The following ACOT7 variants were observed in gnomAD, a reference collection of about 807,000 sequenced individuals.
The protein encoded by ACOT7 is acyl-CoA thioesterase 7, also known as cytosolic acyl coenzyme A thioester hydrolase.
Under a neutral mutation model 40.2 loss-of-function variants are expected in ACOT7, and 12 were observed. The ratio of observed to expected loss-of-function variants is 0.30; its 90% CI spans 0.19 to 0.48. The LOEUF (loss-of-function observed/expected upper bound fraction) is 0.48, where lower values mean the gene tolerates loss of function less well. Ranked by LOEUF, ACOT7 falls within the 20% of genes least tolerant of loss-of-function variation. The probability of loss-of-function intolerance (pLI) is 0.99; values close to 1 mark genes in which losing one functional copy is unlikely to be tolerated. For synonymous variants in ACOT7, 228 were observed against 219.5 expected (o/e 1.04, Z -0.34); for missense variants, 395 against 530.8 (o/e 0.74, Z 2.51).
chr1:6,377,816 A>T (rs1642261872), intron 1 of ACOT7, among the ~76,000 whole-genome samples: 11 of 152,172 alleles, frequency 7.2e-5, no homozygotes, highest in Admixed American at 7.2e-4. Flanking sequence ...CACGCCTGTA[A>T]TCCCAGCACT....
At chr1:6,295,129 C>G in intron 6 of ACOT7, 149 bp from the exon 7 acceptor site, 6 of 461,546 alleles carry the variant, frequency 1.3e-5, no homozygotes, top group Non-Finnish European at 1.6e-5. Flanking sequence ...CTCGGCCGCA[C>G]GTGCTGTGGC....
chr1:6,336,182 A>G (rs1406745801), intron 3 of ACOT7, among the ~76,000 whole-genome samples: 1 of 151,972 alleles, frequency 6.6e-6, no homozygotes, highest in Non-Finnish European at 1.5e-5. Flanking sequence ...AAATACAAAA[A>G]AATTAGCCAG....
rs909232108 is a variant in ACOT7 at position 6,282,628 on chromosome 1, G to A, written c.830-1342C>T. 4 of 979,146 alleles carry A rather than the reference G, an allele frequency of 4.1e-6. No individual in the cohort carries two copies. The highest frequency in any genetic ancestry group is 5.7e-6 in the Non-Finnish European group (4 of 697,486). The allele number at this position is 979,146 out of a possible 1,614,324, so 60.7% of individuals were successfully genotyped here. A position where few individuals can be genotyped will look rare whatever the true frequency, so the allele number is the denominator to read the frequency against. On this transcript the variant is annotated intron_variant, in intron 7 of 8. Coordinates refer to ENST00000361521, the MANE Select transcript of ACOT7 (RefSeq NM_007274.4). The surrounding 1 kb of genome is among the most constrained non-coding windows in gnomAD (Gnocchi z 4.5). ...AGAGTGAGAAAGCGGCCAGGTGGTG[G>A]CTGTTGGAGGGCGGTTAGCAGGCCA...
At chr1:6,335,589 A>G (rs1423143408) in intron 3 of ACOT7, among the ~76,000 whole-genome samples, 1 of 152,230 alleles carries the variant, frequency 6.6e-6, no homozygotes, top group Non-Finnish European at 1.5e-5. Context: ...GGGAGACAGG[A>G]GCAGCCCCAG....
Position 6,282,631 on chromosome 1 carries a change from G to A in ACOT7, c.830-1345C>T. The A allele has an allele frequency of 9.6e-7, 1 of 1,045,554 alleles. No individual in the cohort carries two copies. The highest frequency in any genetic ancestry group is 1.3e-6 in the Non-Finnish European group (1 of 757,312). The allele number at this position is 1,045,554 out of a possible 1,614,324, so 64.8% of individuals were successfully genotyped here. A position where few individuals can be genotyped will look rare whatever the true frequency, so the allele number is the denominator to read the frequency against. Reference sequence around the variant, plus strand: ...GTGAGAAAGCGGCCAGGTGGTGGCTGTTGGAGGGCGGTTAGCAGGCCAGAG... The same window carrying A: ...GTGAGAAAGCGGCCAGGTGGTGGCTATTGGAGGGCGGTTAGCAGGCCAGAG... On this transcript the variant is annotated intron_variant, in intron 7 of 8. Coordinates refer to ENST00000361521, the MANE Select transcript of ACOT7 (RefSeq NM_007274.4). The surrounding 1 kb of genome is among the most constrained non-coding windows in gnomAD (Gnocchi z 4.5).
At chr1:6,391,481 G>A (rs12401310) in intron 1 of ACOT7, among the ~76,000 whole-genome samples, 11,879 of 152,220 alleles carry the variant, frequency 0.078, 517 homozygotes, top group Non-Finnish European at 0.091. Context: ...ACTCCAGCCC[G>A]GGTGACAGAG....
At chr1:6,285,867 G>C (rs562170286) in intron 7 of ACOT7, among the ~76,000 whole-genome samples, 1 of 152,334 alleles carries the variant, frequency 6.6e-6, no homozygotes, top group East Asian at 1.9e-4. Context: ...GGGCAGGAAG[G>C]GGGGTCCGCA....
At chr1:6,385,914 T>C (rs1642433222) in intron 1 of ACOT7, 1 of 1,145,252 alleles carries the variant, frequency 8.7e-7, no homozygotes, top group East Asian at 2.8e-5. Context: ...AATCCATGAC[T>C]CGGCCTGAAC....
intron 7 of ACOT7, among the ~76,000 whole-genome samples, chr1:6,287,550 T>C (rs568621087): frequency 3.9e-5 from 6 of 152,334 alleles, no homozygotes; most frequent in Non-Finnish European, 7.4e-5. Flanking sequence ...TCGGTGCCTG[T>C]AGTGGGCTGA....
intron 6 of ACOT7, among the ~76,000 whole-genome samples, chr1:6,312,582 CT>C (rs1282253109): frequency 2.6e-5 from 4 of 152,270 alleles, no homozygotes; most frequent in Admixed American, 1.3e-4. Flanking sequence ...ATTCTCCTGC[CT>C]CTGCCTCCCA....
chr1:6,392,585 T>C (rs1289482624), intron 1 of ACOT7, among the ~76,000 whole-genome samples: 1 of 152,200 alleles, frequency 6.6e-6, no homozygotes, highest in East Asian at 1.9e-4. Context: ...TTGCCTCTAT[T>C]GTGTAAGATG....
At position 6,369,745 on chromosome 1, in the gene ACOT7, A is replaced by AT. The variant is rs1296798251; in HGVS notation, c.144-19880dup. On this transcript the variant is annotated intron_variant, in intron 1 of 8. Transcript: ENST00000361521. ...AGGCGCCCACCACCACGCCCGGCTA[A>AT]TTTTTTGTATTTTTTGTAGAGACAG... 3.3e-5 allele frequency among the ~76,000 whole-genome samples: 5 copies of AT among 151,674 alleles called. No homozygotes were observed. In the South Asian group the frequency reaches 8.4e-4, roughly 25 times the overall value.
chr1:6,350,903 C>T (rs922379588), intron 1 of ACOT7, among the ~76,000 whole-genome samples: 3 of 152,256 alleles, frequency 2.0e-5, no homozygotes, highest in Non-Finnish European at 4.4e-5. Context: ...CTCAATCCTC[C>T]ATGTGCTCAT....
chr1:6,362,591 G>A (rs899358144), intron 1 of ACOT7, among the ~76,000 whole-genome samples: 17 of 152,088 alleles, frequency 1.1e-4, no homozygotes, highest in Admixed American at 1.3e-4. Flanking sequence ...GAGGGCACTC[G>A]GAAGAGAGAA....
rs556269451 is a variant in ACOT7, at chr1:6,367,911, A to T, written c.144-18045T>A. Among the ~76,000 whole-genome samples, 2 of 152,176 alleles carry T rather than the reference A, an allele frequency of 1.3e-5. 1 individual carries two copies. Among genetic ancestry groups the T allele is most frequent in the South Asian group, 4.1e-4 (2 of 4,828 alleles). Reference sequence around the variant, plus strand: ...ATGGAGAGTGAGCAAGACAAAGAGGAGCTTTATTGAGTCACAGCCAGGTCA... The same window carrying T: ...ATGGAGAGTGAGCAAGACAAAGAGGTGCTTTATTGAGTCACAGCCAGGTCA... On this transcript the variant is annotated intron_variant, in intron 1 of 8. Transcript: ENST00000361521.
At position 6,282,153 on chromosome 1, in the gene ACOT7, C is replaced by A. The variant is rs1488791243; in HGVS notation, c.830-867G>T. Reference sequence around the variant, plus strand: ...GCAGAAGCTTCCTGACCCAGAGCTGCTCTTCTGCCCCCACCACCCTCCCCG... The same window carrying A: ...GCAGAAGCTTCCTGACCCAGAGCTGATCTTCTGCCCCCACCACCCTCCCCG... On this transcript the variant is annotated intron_variant, in intron 7 of 8. Coordinates refer to ENST00000361521, the MANE Select transcript of ACOT7 (RefSeq NM_007274.4). This position sits in a 1 kb window ranked among gnomAD's most constrained non-coding sequence, Gnocchi z 4.5. Among the ~76,000 whole-genome samples, 1 of 152,164 alleles carries A rather than the reference C, an allele frequency of 6.6e-6. No homozygotes were observed. The highest frequency in any genetic ancestry group is 1.5e-5 in the Non-Finnish European group (1 of 68,018).
intron 4 of ACOT7, among the ~76,000 whole-genome samples, chr1:6,328,277 G>T (rs1333351631): frequency 6.6e-6 from 1 of 152,144 alleles, no homozygotes; most frequent in East Asian, 1.9e-4. Context: ...GGTAGAGAAT[G>T]GGCAGTAAAA....
chr1:6,281,031 G>C (rs1416548144), intron 8 of ACOT7, 71 bp downstream of exon 8: 1 of 1,546,418 alleles, frequency 6.5e-7, no homozygotes, highest in African/African-American at 1.4e-5. Flanking sequence ...GATTCCCCCT[G>C]GAGGCCCAAA....
Position 6,280,889 on chromosome 1 carries a change from C to T in ACOT7, c.1014+213G>A, listed in dbSNP as rs570052611. Reference sequence around the variant, plus strand: ...TGGGAGTACAGCCCAAAGGCCTACCCGCTGGTTATGAAGCGTTCCTTCTCA... The same window carrying T: ...TGGGAGTACAGCCCAAAGGCCTACCTGCTGGTTATGAAGCGTTCCTTCTCA... On this transcript the variant is annotated intron_variant, in intron 8 of 8. Coordinates refer to ENST00000361521, the MANE Select transcript of ACOT7 (RefSeq NM_007274.4). 3.3e-5 allele frequency among the ~76,000 whole-genome samples: 5 copies of T among 152,216 alleles called. No individual in the cohort carries two copies. The South Asian group carries it at 6.2e-4, about 19-fold the overall frequency.
Sources: gnomAD v4.1 joint callset for allele counts (sites outside exome capture counted in the v4.1 genomes callset) on GRCh38, gnomAD v4.1.1 for gene constraint, Gnocchi (gnomAD v3.1) non-coding constraint, MANE v1.5 for transcripts, NCBI Gene and HGNC (gene_info 2026-07-23, HGNC 2026-07-21) for gene names.